The following PCDHA7 variants were observed in gnomAD, a reference collection of about 807,000 sequenced individuals.
PCDHA7 encodes protocadherin alpha-7.
In PCDHA7, 37 loss-of-function variants were observed where a neutral mutation model predicts 57.2. The observed-to-expected ratio is 0.65, with a 90% CI of 0.50 to 0.85. The LOEUF is 0.85. Ranked by LOEUF, PCDHA7 falls within the 40% of genes least tolerant of loss-of-function variation. PCDHA7 has a pLI of 0.00. For synonymous variants in PCDHA7, 553 were observed against 558.8 expected, an observed-to-expected ratio of 0.99 and a Z score of 0.15; for missense variants, 1,188 against 1,241.8, an observed-to-expected ratio of 0.96 and a Z score of 0.65.
chr5:140,852,913 C>G, intron 1 of PCDHA7: 9 of 789,792 alleles, frequency 1.1e-5, no homozygotes, highest in Non-Finnish European at 1.4e-5. Flanking sequence ...GAGTCTCGCT[C>G]TGTTGCCCAG....
chr5:140,853,979 T>A, intron 1 of PCDHA7: 2 of 564,826 alleles, frequency 3.5e-6, no homozygotes, highest in Non-Finnish European at 4.6e-6. Flanking sequence ...TTGAGACCAA[T>A]GTAGTGAGAC....
At chr5:140,978,856 A>G (rs2096826512) in intron 1 of PCDHA7, 93 bp from the exon 2 acceptor site, 1 of 1,589,052 alleles carries the variant, frequency 6.3e-7, no homozygotes, top group Non-Finnish European at 8.6e-7. Flanking sequence ...AGATGCCTGG[A>G]AATATTTAAG....
chr5:140,841,601 G>A (rs2150319014), intron 1 of PCDHA7: 29 of 1,614,018 alleles, frequency 1.8e-5, no homozygotes, highest in South Asian at 8.8e-5. Context: ...CGACCGCGAG[G>A]AGCTGTGCGG....
chr5:140,930,375 C>T (rs2086761522), intron 1 of PCDHA7: 1 of 151,734 alleles, frequency 6.6e-6, no homozygotes, highest in Non-Finnish European at 1.5e-5. Flanking sequence ...GTTAGTGGCC[C>T]TTGGCATTTC....
intron 1 of PCDHA7, among the ~76,000 whole-genome samples, chr5:140,915,282 T>C (rs2077058994): frequency 2.0e-5 from 3 of 152,152 alleles, no homozygotes; most frequent in South Asian, 2.1e-4. Flanking sequence ...CATCATTTAC[T>C]CTTTCTACTT....
chr5:140,870,145 G>A, intron 1 of PCDHA7: 1 of 1,614,088 alleles, frequency 6.2e-7, no homozygotes, highest in Non-Finnish European at 8.5e-7. Context: ...TAACTCTCCT[G>A]AAGTCGCCGT....
chr5:140,852,444 A>G (rs1327164540), intron 1 of PCDHA7: 1 of 183,986 alleles, frequency 5.4e-6, no homozygotes, highest in Non-Finnish European at 1.1e-5. Context: ...CGCCCAGCTA[A>G]TTTTTGTATT....
At chr5:140,908,021 C>T (rs958070573) in intron 1 of PCDHA7, among the ~76,000 whole-genome samples, 28 of 152,314 alleles carry the variant, frequency 1.8e-4, no homozygotes, top group African/African-American at 6.7e-4. Flanking sequence ...TGGCTACAGC[C>T]CATTAATCAG....
In PCDHA7 at chr5:140,917,874, C is replaced by A. The variant is rs1240832097; in HGVS notation, c.2356-61075C>A. Among the ~76,000 whole-genome samples, 13 of 151,108 alleles carry A rather than the reference C, an allele frequency of 8.6e-5. No individual in the cohort carries two copies. In the East Asian group the frequency reaches 2.5e-3, roughly 29 times the overall value. ...CTTAGGATTGCTTTGACTATTTGGG[C>A]TCTTTTTTTTTTCCATATGAATGTT... On this transcript the variant is annotated intron_variant, in intron 1 of 3. Transcript: ENST00000525929.
At chr5:140,964,222 A>G (rs2095818106) in intron 1 of PCDHA7, among the ~76,000 whole-genome samples, 1 of 152,254 alleles carries the variant, frequency 6.6e-6, no homozygotes, top group African/African-American at 2.4e-5. Flanking sequence ...AATGTCTTTC[A>G]AAATGAGGCT....
At chr5:140,856,003 T>G (rs1554148087) in intron 1 of PCDHA7, 3 of 1,536,896 alleles carry the variant, frequency 2.0e-6, no homozygotes, top group Non-Finnish European at 2.6e-6. Flanking sequence ...CGTATGTGCG[T>G]TCTAGACCGC....
chr5:140,921,705 G>C (rs2080339656), intron 1 of PCDHA7, among the ~76,000 whole-genome samples: 1 of 152,042 alleles, frequency 6.6e-6, no homozygotes, highest in Non-Finnish European at 1.5e-5. Context: ...ATTTTAAACA[G>C]TAAACACACG....
chr5:140,960,428 A>T (rs1317168418), intron 1 of PCDHA7, among the ~76,000 whole-genome samples: 3 of 152,178 alleles, frequency 2.0e-5, no homozygotes, highest in Non-Finnish European at 4.4e-5. Context: ...CAATTACTTG[A>T]TACTCTAGAT....
In PCDHA7 at chr5:140,856,229, C is replaced by T. The variant is rs17844338; in HGVS notation, c.2355+19491C>T. On this transcript the variant is annotated intron_variant, in intron 1 of 3. Transcript: ENST00000525929. ...GCTGGAGCTGGCGGAGCTGGTGCAG[C>T]GCCTGTTCCGGGTGGCGTCCAAAAG... 5 of 1,597,818 alleles carry T rather than the reference C, an allele frequency of 3.1e-6. No homozygotes were observed. The South Asian group carries it at 4.4e-5, about 14-fold the overall frequency.
At chr5:140,930,712 A>T (rs1584689351) in intron 1 of PCDHA7, among the ~76,000 whole-genome samples, 1 of 152,234 alleles carries the variant, frequency 6.6e-6, no homozygotes, top group Non-Finnish European at 1.5e-5. Flanking sequence ...ATTCTTCCTC[A>T]AGTAATGATG....
At chr5:140,871,425 T>A (rs782021225) in intron 1 of PCDHA7, 7 of 1,613,404 alleles carry the variant, frequency 4.3e-6, no homozygotes, top group Admixed American at 3.3e-5. Flanking sequence ...TCAGCCCCAG[T>A]CTTCCTCTAG....
intron 1 of PCDHA7, among the ~76,000 whole-genome samples, chr5:140,938,314 T>C (rs1026606524): frequency 2.0e-5 from 3 of 152,220 alleles, no homozygotes; most frequent in Non-Finnish European, 2.9e-5. Flanking sequence ...AGTATAAAAT[T>C]GAATAGAAGT....
chr5:140,977,163 AATG>A (rs1554238313), intron 1 of PCDHA7, among the ~76,000 whole-genome samples: 2 of 152,198 alleles, frequency 1.3e-5, no homozygotes, highest in Non-Finnish European at 2.9e-5. Flanking sequence ...CTTTCAGCAA[AATG>A]AGTTTGATGA....
At chr5:140,997,098 C>T (rs1328956245) in intron 3 of PCDHA7, among the ~76,000 whole-genome samples, 12 of 152,128 alleles carry the variant, frequency 7.9e-5, no homozygotes, top group Admixed American at 5.2e-4. Context: ...GCAGAGTTCT[C>T]ATGCACTCCT....
Sources: gnomAD v4.1 joint callset for allele counts (sites outside exome capture counted in the v4.1 genomes callset) on GRCh38, gnomAD v4.1.1 for gene constraint, MANE v1.5 for transcripts, NCBI Gene and HGNC (gene_info 2026-07-23, HGNC 2026-07-21) for gene names.